Variants in STPG2 observed in about 807,000 individuals in gnomAD.
The protein encoded by STPG2 is sperm-tail PG-rich repeat-containing protein 2.
STPG2 carries 56 observed loss-of-function variants against 54.2 expected under a neutral mutation model. That is an observed-to-expected ratio of 1.03 (90% CI 0.83 to 1.29). The LOEUF (loss-of-function observed/expected upper bound fraction) is 1.29. Ranked by LOEUF, STPG2 falls within the 50% of genes most tolerant of loss-of-function variation. The probability of loss-of-function intolerance (pLI) is 0.00; values close to 1 mark genes in which losing one functional copy is unlikely to be tolerated. For synonymous variants in STPG2, 200 were observed against 181.8 expected (o/e 1.10, Z -0.81); for missense variants, 596 against 544.9 (o/e 1.09, Z -0.93).
At chr4:97,912,524 A>C (rs13147768) in intron 8 of STPG2, among the ~76,000 whole-genome samples, 1 of 152,024 alleles carries the variant, frequency 6.6e-6, no homozygotes, top group Non-Finnish European at 1.5e-5. Flanking sequence ...CGATGCACTC[A>C]CAAGTATCAA....
intron 9 of STPG2, among the ~76,000 whole-genome samples, chr4:97,797,159 C>A (rs965161498): frequency 1.3e-5 from 2 of 152,174 alleles, no homozygotes; most frequent in Admixed American, 6.5e-5. Flanking sequence ...TTCCTCTTTT[C>A]CTAATTGAAT....
intron 7 of STPG2, among the ~76,000 whole-genome samples, chr4:97,959,922 G>A (rs1351002043): frequency 3.3e-5 from 5 of 152,058 alleles, no homozygotes; most frequent in Non-Finnish European, 7.4e-5. Flanking sequence ...GGATATCCCT[G>A]ATGAACATAG....
At chr4:97,967,753 A>G (rs1348946686) in intron 7 of STPG2, among the ~76,000 whole-genome samples, 1 of 152,228 alleles carries the variant, frequency 6.6e-6, no homozygotes, top group Admixed American at 6.5e-5. Flanking sequence ...CTGCTCCTGA[A>G]TGACTACTGG....
chr4:97,615,367 A>G (rs547078533), intron 10 of STPG2, among the ~76,000 whole-genome samples: 13 of 152,232 alleles, frequency 8.5e-5, no homozygotes, highest in Non-Finnish European at 1.6e-4. Context: ...TAGAGAATTA[A>G]TCTTTGATTT....
At chr4:97,652,768 G>A (rs982741660) in intron 10 of STPG2, among the ~76,000 whole-genome samples, 2 of 151,890 alleles carry the variant, frequency 1.3e-5, no homozygotes, top group African/African-American at 4.8e-5. Context: ...ATAAGAACAT[G>A]AAAAGTTTTA....
At chr4:97,632,838 T>G (rs1721336394) in intron 10 of STPG2, among the ~76,000 whole-genome samples, 1 of 152,280 alleles carries the variant, frequency 6.6e-6, no homozygotes, top group South Asian at 2.1e-4. Context: ...TAAGCTTATA[T>G]CCTATAATTA....
At chr4:97,693,276 T>G (rs556324990) in intron 10 of STPG2, among the ~76,000 whole-genome samples, 59 of 151,998 alleles carry the variant, frequency 3.9e-4, no homozygotes, top group Non-Finnish European at 7.1e-4. Context: ...TGAGTAAGAA[T>G]TCATCAACCA....
intron 9 of STPG2, among the ~76,000 whole-genome samples, chr4:97,835,173 G>C (rs1588018): frequency 0.56 from 84,806 of 151,826 alleles, 24,014 homozygotes; most frequent in East Asian, 0.74. Flanking sequence ...AAAGAAGCCA[G>C]CTAAATCCCA....
intron 8 of STPG2, among the ~76,000 whole-genome samples, chr4:97,855,154 G>C (rs1333758789): frequency 6.6e-6 from 1 of 152,056 alleles, no homozygotes; most frequent in Non-Finnish European, 1.5e-5. Flanking sequence ...GTCTATCATT[G>C]AGGGGCATTT....
At chr4:98,022,667 G>C (rs538836360) in intron 5 of STPG2, among the ~76,000 whole-genome samples, 2 of 152,266 alleles carry the variant, frequency 1.3e-5, no homozygotes, top group East Asian at 1.9e-4. Flanking sequence ...ATCAGACGTA[G>C]ATTTGGTCTT....
At chr4:98,105,545 C>G (rs1048430846) in intron 5 of STPG2, among the ~76,000 whole-genome samples, 1 of 151,986 alleles carries the variant, frequency 6.6e-6, no homozygotes, top group Non-Finnish European at 1.5e-5. Flanking sequence ...GGGACTGGGT[C>G]CAGGATGGGA....
intron 8 of STPG2, among the ~76,000 whole-genome samples, chr4:97,842,711 T>G (rs1728838224): frequency 6.6e-6 from 1 of 151,928 alleles, no homozygotes. Context: ...CAACAATAGT[T>G]TGTTCACACC....
chr4:97,579,446 A>C (rs981876048), intron 10 of STPG2, among the ~76,000 whole-genome samples: 3 of 152,058 alleles, frequency 2.0e-5, no homozygotes, highest in Admixed American at 2.0e-4. Context: ...GGAGTGAATA[A>C]AATACTTATC....
At chr4:97,903,688 T>C (rs575561881) in intron 8 of STPG2, among the ~76,000 whole-genome samples, 5 of 152,160 alleles carry the variant, frequency 3.3e-5, no homozygotes, top group African/African-American at 4.8e-5. Flanking sequence ...TCTGAGGTAC[T>C]GGGTTCATCT....
chr4:97,927,539 C>CAG (rs2149215765), intron 8 of STPG2, among the ~76,000 whole-genome samples: 1 of 152,126 alleles, frequency 6.6e-6, no homozygotes, highest in East Asian at 1.9e-4. Context: ...ATAGTGATTA[C>CAG]ATTTTTTAAA....
intron 9 of STPG2, among the ~76,000 whole-genome samples, chr4:97,719,058 G>A (rs984197541): frequency 6.4e-4 from 97 of 152,022 alleles, no homozygotes; most frequent in African/African-American, 2.2e-3. Flanking sequence ...TATAAGTAAT[G>A]CAAATCTAAG....
chr4:97,472,192 C>T (rs1346426245), intron 4 of STPG2, among the ~76,000 whole-genome samples: 1 of 152,178 alleles, frequency 6.6e-6, no homozygotes, highest in Non-Finnish European at 1.5e-5. Flanking sequence ...AGAACCACAA[C>T]TTAGTGGGGC....
At chr4:97,882,454 T>C (rs2149165941) in intron 8 of STPG2, among the ~76,000 whole-genome samples, 1 of 152,244 alleles carries the variant, frequency 6.6e-6, no homozygotes, top group Non-Finnish European at 1.5e-5. Flanking sequence ...AACTTTCCTC[T>C]GAGGGAGGAC....
Position 97,565,729 on chromosome 4 carries a change from C to A in STPG2, c.1321-6612G>T, listed in dbSNP as rs551708000. On this transcript the variant is annotated intron_variant, in intron 10 of 10. Coordinates refer to ENST00000295268, the MANE Select transcript of STPG2 (RefSeq NM_174952.3). ...ACCCTGTTTGCCTGGGTACCAGCAG[C>A]GGTGGCTGCAGAACAGCGGATTTTC... is the stretch of plus-strand genomic sequence containing the variant. Among the ~76,000 whole-genome samples, 525 of 152,288 alleles carry A rather than the reference C, an allele frequency of 3.4e-3. 4 individuals carry two copies. Among genetic ancestry groups the A allele is most frequent in the African/African-American group, 0.012 (488 of 41,566 alleles).
Sources: gnomAD v4.1 joint callset for allele counts (sites outside exome capture counted in the v4.1 genomes callset) on GRCh38, gnomAD v4.1.1 for gene constraint, MANE v1.5 for transcripts, NCBI Gene and HGNC (gene_info 2026-07-23, HGNC 2026-07-21) for gene names.